Variants in INPP4B observed in about 807,000 individuals in gnomAD.
The protein encoded by INPP4B is inositol polyphosphate-4-phosphatase type II B.
In INPP4B, 55 loss-of-function variants were observed where a neutral mutation model predicts 122.5. The observed-to-expected ratio is 0.45, with a 90% confidence interval of 0.36 to 0.56. INPP4B has a LOEUF of 0.56. Among genes scored for constraint, INPP4B ranks in the 20% least tolerant of loss-of-function variants. The pLI, the probability that INPP4B is intolerant of heterozygous loss-of-function variation, is 0.00. For missense variants in INPP4B, 1,000 were observed against 1,097.7 expected (o/e 0.91, Z 1.26); for synonymous variants, 403 against 388.7 (o/e 1.04, Z -0.43).
chr4:142,560,837 A>G (rs1335043343), intron 2 of INPP4B, among the ~76,000 whole-genome samples: 1 of 152,142 alleles, frequency 6.6e-6, no homozygotes, highest in Non-Finnish European at 1.5e-5. Flanking sequence ...TCTTTTGGCA[A>G]CACTCCCACA....
At chr4:142,215,657 G>A (rs539676182) in intron 12 of INPP4B, among the ~76,000 whole-genome samples, 1 of 151,978 alleles carries the variant, frequency 6.6e-6, no homozygotes, top group East Asian at 1.9e-4. Context: ...ACTTTGGGAG[G>A]CCGAGGCGGG....
intron 1 of INPP4B, among the ~76,000 whole-genome samples, chr4:142,843,678 T>A (rs1256932765): frequency 7.2e-6 from 1 of 138,046 alleles, no homozygotes; most frequent in African/African-American, 3.0e-5. Flanking sequence ...TTTTACTCAC[T>A]AATTATGATT....
At chr4:142,501,422 T>A (rs1823358649) in intron 2 of INPP4B, among the ~76,000 whole-genome samples, 1 of 152,176 alleles carries the variant, frequency 6.6e-6, no homozygotes, top group South Asian at 2.1e-4. Context: ...TCCCACTTGA[T>A]TTCCAAACTA....
chr4:142,822,425 G>A (rs1780898101), intron 1 of INPP4B, among the ~76,000 whole-genome samples: 1 of 152,144 alleles, frequency 6.6e-6, no homozygotes, highest in Non-Finnish European at 1.5e-5. Context: ...CAAACAGCAG[G>A]AGGTGAGCTG....
rs555016754 is a variant in INPP4B at position 142,143,865 on chromosome 4, T to C, written c.1720+1975A>G. On this transcript the variant is annotated intron_variant, in intron 18 of 25. Transcript: ENST00000262992. ...TAATACGCGTTCTGGAGAATGGTTA[T>C]GAGGAAATATTCAGACAAAAGTAAC... 2.6e-5 allele frequency among the ~76,000 whole-genome samples: 4 copies of C among 152,198 alleles called. 1 individual carries two copies. The South Asian group carries it at 6.2e-4, about 24-fold the overall frequency.
At chr4:142,404,741 CG>C (rs71586286) in intron 6 of INPP4B, among the ~76,000 whole-genome samples, 28 of 151,896 alleles carry the variant, frequency 1.8e-4, no homozygotes, top group Admixed American at 1.8e-3. Flanking sequence ...TAAAGAATAC[CG>C]GGGGGAAAAA....
At chr4:142,546,263 G>T (rs1170184526) in intron 2 of INPP4B, among the ~76,000 whole-genome samples, 1 of 152,082 alleles carries the variant, frequency 6.6e-6, no homozygotes, top group East Asian at 1.9e-4. Flanking sequence ...CAAAGAACAT[G>T]ATCTCATTGT....
chr4:142,134,877 T>A (rs1271318929), intron 18 of INPP4B, among the ~76,000 whole-genome samples: 1 of 151,940 alleles, frequency 6.6e-6, no homozygotes, highest in Non-Finnish European at 1.5e-5. Flanking sequence ...ATTGATCTTT[T>A]TCCAATGAAA....
chr4:142,342,451 TA>T (rs979420077), intron 7 of INPP4B, among the ~76,000 whole-genome samples: 1 of 152,118 alleles, frequency 6.6e-6, no homozygotes, highest in African/African-American at 2.4e-5. Context: ...ACCCTCCCCT[TA>T]CCTTTGCAAG....
At chr4:142,049,994 T>G (rs1054593678) in intron 25 of INPP4B, among the ~76,000 whole-genome samples, 1 of 151,988 alleles carries the variant, frequency 6.6e-6, no homozygotes, top group Non-Finnish European at 1.5e-5. Flanking sequence ...AACAATCAAC[T>G]AAAGGCCTAT....
chr4:142,752,113 C>T (rs568277026), intron 1 of INPP4B, among the ~76,000 whole-genome samples: 177 of 152,106 alleles, frequency 1.2e-3, no homozygotes, highest in Middle Eastern at 3.4e-3. Flanking sequence ...TTGAAATTTC[C>T]TCTAAGACCT....
rs550547228 is a variant in INPP4B at position 142,709,944 on chromosome 4, G to A, written c.-191+15895C>T. Among the ~76,000 whole-genome samples the A allele has an allele frequency of 6.8e-4, 103 of 152,214 alleles. 1 individual carries two copies. Among genetic ancestry groups the A allele is most frequent in the African/African-American group, 1.8e-3 (73 of 41,532 alleles). On this transcript the variant is annotated intron_variant, in intron 2 of 25. Transcript: ENST00000262992. ...GGAGGAAATAATCATTTCTATTGGC[G>A]TACGCAAGTTTTCTGACTTTCAAAA...
intron 1 of INPP4B, among the ~76,000 whole-genome samples, chr4:142,814,415 T>G (rs1043231346): frequency 6.6e-6 from 1 of 152,146 alleles, no homozygotes; most frequent in African/African-American, 2.4e-5. Flanking sequence ...CTTGAGACAG[T>G]ATAAATTAAC....
intron 25 of INPP4B, 94 bp from the exon 26 acceptor site, chr4:142,029,008 A>T: frequency 6.8e-7 from 1 of 1,475,226 alleles, no homozygotes; most frequent in Non-Finnish European, 9.0e-7. Flanking sequence ...CCATCCAAGT[A>T]AAAATAACAA....
chr4:142,299,436 T>A (rs1369329609), intron 9 of INPP4B, among the ~76,000 whole-genome samples: 1 of 151,984 alleles, frequency 6.6e-6, no homozygotes, highest in East Asian at 1.9e-4. Flanking sequence ...GTTACAGGTG[T>A]GAGCCATCGC....
intron 11 of INPP4B, among the ~76,000 whole-genome samples, chr4:142,252,934 T>C (rs1299072453): frequency 6.6e-6 from 1 of 152,190 alleles, no homozygotes; most frequent in Non-Finnish European, 1.5e-5. Context: ...GGTGCAAACA[T>C]CATAGAGTAC....
chr4:142,126,203 G>A (rs538837297), intron 18 of INPP4B, among the ~76,000 whole-genome samples: 4 of 152,196 alleles, frequency 2.6e-5, no homozygotes, highest in African/African-American at 9.6e-5. Context: ...TGACAAATAC[G>A]ATTTGATATG....
At chr4:142,033,010 G>A (rs972754063) in intron 25 of INPP4B, among the ~76,000 whole-genome samples, 2 of 151,846 alleles carry the variant, frequency 1.3e-5, no homozygotes, top group African/African-American at 4.8e-5. Context: ...GTCCTTGGGA[G>A]TAGCAAGAAA....
chr4:142,589,862 G>C (rs964709010), intron 2 of INPP4B, among the ~76,000 whole-genome samples: 7 of 152,108 alleles, frequency 4.6e-5, no homozygotes, highest in Admixed American at 4.6e-4. Flanking sequence ...GCCCAAACTG[G>C]AAGACAACCA....
Sources: allele counts gnomAD v4.1 joint callset (sites outside exome capture counted in the v4.1 genomes callset), GRCh38; gene constraint gnomAD v4.1.1; transcripts MANE v1.5; gene names NCBI Gene and HGNC (gene_info 2026-07-23, HGNC 2026-07-21).